CASTOR2: variants seen among roughly 807,000 people sequenced by gnomAD.
The protein encoded by CASTOR2 is GATS protein like 2.
Under a neutral mutation model 31.2 loss-of-function variants are expected in CASTOR2, and 8 were observed. The ratio of observed to expected loss-of-function variants is 0.26; its 90% CI spans 0.15 to 0.46. CASTOR2 has a LOEUF of 0.46. CASTOR2 is among the 20% of genes least tolerant of loss of function. The pLI is 0.99. For synonymous variants in CASTOR2, 162 were observed against 158.7 expected, an observed-to-expected ratio of 1.02 and a Z score of -0.16; for missense variants, 216 against 382.1, an observed-to-expected ratio of 0.57 and a Z score of 3.62.
Position 74,995,834 on chromosome 7 carries a change from G to A in CASTOR2, c.114-12160G>A, listed in dbSNP as rs1363404660. On this transcript the variant is annotated intron_variant, in intron 1 of 8. Coordinates refer to ENST00000616305, the MANE Select transcript of CASTOR2 (RefSeq NM_001145064.3). ...GAAAAAAAAAAAAAAAATTAGCCAG[G>A]CATGGTGGTGTGCACCTGTAGTTGC... is the stretch of plus-strand genomic sequence containing the variant. Among the ~76,000 whole-genome samples, 180 of 152,016 alleles carry A rather than the reference G, an allele frequency of 1.2e-3. 1 individual carries two copies. Among genetic ancestry groups the A allele is most frequent in the African/African-American group, 4.2e-3 (176 of 41,466 alleles).
intron 1 of CASTOR2, among the ~76,000 whole-genome samples, chr7:74,982,427 CG>C (rs1803967958): frequency 6.6e-6 from 1 of 151,818 alleles, no homozygotes; most frequent in Non-Finnish European, 1.5e-5. Context: ...GCAGATCTCG[CG>C]GTGAATTTCC....
chr7:74,975,901 C>A (rs1363401275), intron 1 of CASTOR2, among the ~76,000 whole-genome samples: 1 of 145,516 alleles, frequency 6.9e-6, no homozygotes, highest in Non-Finnish European at 1.5e-5. Flanking sequence ...CCTGAAGACA[C>A]CCAAGCAGCC....
At chr7:75,016,273 T>C (rs1387792291) in intron 2 of CASTOR2, among the ~76,000 whole-genome samples, 1 of 152,196 alleles carries the variant, frequency 6.6e-6, no homozygotes, top group Non-Finnish European at 1.5e-5. Context: ...TCAGGGCTAC[T>C]CAGGGTCTCT....
At chr7:74,995,448 T>C (rs1804319286) in intron 1 of CASTOR2, among the ~76,000 whole-genome samples, 2 of 139,556 alleles carry the variant, frequency 1.4e-5, no homozygotes, top group African/African-American at 5.4e-5. Context: ...GGAAGATGTC[T>C]TGAGGCCAGG....
At chr7:74,992,224 G>T (rs1804228987) in intron 1 of CASTOR2, among the ~76,000 whole-genome samples, 1 of 152,098 alleles carries the variant, frequency 6.6e-6, no homozygotes, top group African/African-American at 2.4e-5. Flanking sequence ...ACCTCTGGCA[G>T]ATCCCATCCC....
chr7:75,005,946 A>G (rs1209508643), intron 1 of CASTOR2, among the ~76,000 whole-genome samples: 1 of 152,212 alleles, frequency 6.6e-6, no homozygotes, highest in Non-Finnish European at 1.5e-5. Flanking sequence ...CCTGGCCAAC[A>G]TGGAGAAACC....
At chr7:74,977,686 A>G (rs1803852530) in intron 1 of CASTOR2, among the ~76,000 whole-genome samples, 2 of 150,466 alleles carry the variant, frequency 1.3e-5, no homozygotes, top group South Asian at 4.2e-4. Context: ...TGGCCTGAAA[A>G]AAATTCTTGA....
chr7:74,975,852 TC>T (rs1803795682), intron 1 of CASTOR2, among the ~76,000 whole-genome samples: 1 of 131,050 alleles, frequency 7.6e-6, no homozygotes, highest in South Asian at 2.6e-4. Context: ...GCTCCCTCTC[TC>T]CCAGATCCCT....
rs1291022846 is a variant in CASTOR2, at chr7:75,029,952, T to G, written c.*5253T>G. ...GTGGGAGGATAGCTTGAGGCCAAGA[T>G]AGCAAGACCAACCTGGTCAACATAG... On this transcript the variant is annotated 3_prime_UTR_variant, in exon 9 of 9. Coordinates refer to ENST00000616305, the MANE Select transcript of CASTOR2 (RefSeq NM_001145064.3). Among the ~76,000 whole-genome samples the G allele has an allele frequency of 6.6e-6, 1 of 152,038 alleles. No homozygotes were observed.
chr7:75,020,316 C>G (rs1378230430), intron 6 of CASTOR2, among the ~76,000 whole-genome samples, 167 bp downstream of exon 6: 1 of 151,834 alleles, frequency 6.6e-6, no homozygotes, highest in Admixed American at 6.6e-5. Context: ...GATCTCGGCT[C>G]AAGGCAACCT....
intron 2 of CASTOR2, among the ~76,000 whole-genome samples, chr7:75,014,239 A>G (rs1436957875): frequency 6.6e-6 from 1 of 151,878 alleles, no homozygotes; most frequent in Non-Finnish European, 1.5e-5. Context: ...GGTCCATGCC[A>G]CGCATGGCAA....
At position 75,026,188 on chromosome 7, in the gene CASTOR2, G is replaced by GTTTTTTTTTTTTTTTTTTTTTTTTTT. The variant is rs1178084776; in HGVS notation, c.*1489_*1490insTTTTTTTTTTTTTTTTTTTTTTTTTT. Reference sequence around the variant, plus strand: ...CCCCTGTGGTTTTGGCTCTGGCGGGGGTTTTTTTTTTTTTTTTTGAGATGG... The same window carrying GTTTTTTTTTTTTTTTTTTTTTTTTTT: ...CCCCTGTGGTTTTGGCTCTGGCGGGGTTTTTTTTTTTTTTTTTTTTTTTTTTGTTTTTTTTTTTTTTTTTGAGATGG... On this transcript the variant is annotated 3_prime_UTR_variant, in exon 9 of 9. Coordinates refer to ENST00000616305, the MANE Select transcript of CASTOR2 (RefSeq NM_001145064.3). Among the ~76,000 whole-genome samples the GTTTTTTTTTTTTTTTTTTTTTTTTTT allele has an allele frequency of 1.7e-3, 191 of 113,246 alleles. 7 individuals carry two copies. Among genetic ancestry groups the GTTTTTTTTTTTTTTTTTTTTTTTTTT allele is most frequent in the Non-Finnish European group, 2.4e-3 (122 of 51,486 alleles). The allele number at this position is 113,246 out of a possible 152,430, so 74.3% of individuals were successfully genotyped here. A position where few individuals can be genotyped will look rare whatever the true frequency, so the allele number is the denominator to read the frequency against.
At chr7:74,985,451 C>T (rs1254522237) in intron 1 of CASTOR2, among the ~76,000 whole-genome samples, 1 of 151,790 alleles carries the variant, frequency 6.6e-6, no homozygotes, top group African/African-American at 2.4e-5. Flanking sequence ...CATGGTGATT[C>T]CTGCCTGTAG....
chr7:75,027,947 T>TGGAGGGGCATGTGTTTCTC lies in CASTOR2; in HGVS notation c.*3249_*3267dup. 1 of 1,410,920 alleles carries TGGAGGGGCATGTGTTTCTC rather than the reference T, an allele frequency of 7.1e-7. No individual in the cohort carries two copies. Among genetic ancestry groups the TGGAGGGGCATGTGTTTCTC allele is most frequent in the African/African-American group, 1.4e-5 (1 of 70,336 alleles). 87.4% of individuals were successfully genotyped at this position (1,410,920 alleles called of 1,614,324 possible). ...GTCTCTCCAGGCCCCAGACCCCACT[T>TGGAGGGGCATGTGTTTCTC]GGAGGGGCATGTGTTTCTCAGAGGG... On this transcript the variant is annotated 3_prime_UTR_variant, in exon 9 of 9. Transcript: ENST00000616305.
At chr7:74,995,368 T>C (rs1804316347) in intron 1 of CASTOR2, among the ~76,000 whole-genome samples, 1 of 151,318 alleles carries the variant, frequency 6.6e-6, no homozygotes, top group South Asian at 2.1e-4. Flanking sequence ...ATCAGATGGG[T>C]GGACAGGTCG....
chr7:75,000,426 A>G (rs1355543138), intron 1 of CASTOR2, among the ~76,000 whole-genome samples: 6 of 152,118 alleles, frequency 3.9e-5, no homozygotes, highest in Non-Finnish European at 5.9e-5. Context: ...AACGGGCCAC[A>G]CTTTGCAAGA....
intron 2 of CASTOR2, among the ~76,000 whole-genome samples, chr7:75,016,904 C>T (rs1283946887): frequency 3.3e-5 from 5 of 152,224 alleles, no homozygotes; most frequent in African/African-American, 9.6e-5. Flanking sequence ...CAGTGGCTCA[C>T]GCCTGTAATC....
chr7:75,017,461 C>T (rs1322932304), intron 2 of CASTOR2, 137 bp from the exon 3 acceptor site: 12 of 1,074,714 alleles, frequency 1.1e-5, no homozygotes, highest in Non-Finnish European at 1.7e-5. Flanking sequence ...AAAAAAAAAT[C>T]CTGTTGGAAA....
At chr7:74,968,187 GC>G (rs1803609270) in intron 1 of CASTOR2, among the ~76,000 whole-genome samples, 1 of 141,520 alleles carries the variant, frequency 7.1e-6, no homozygotes, top group Non-Finnish European at 1.5e-5. Context: ...TCTTCCATTT[GC>G]CTGGAATATT....
Sources: gnomAD v4.1 joint callset for allele counts (sites outside exome capture counted in the v4.1 genomes callset) on GRCh38, gnomAD v4.1.1 for gene constraint, MANE v1.5 for transcripts, NCBI Gene and HGNC (gene_info 2026-07-23, HGNC 2026-07-21) for gene names.